The following NSUN6 variants were observed in gnomAD, a reference collection of about 807,000 sequenced individuals.
The protein encoded by NSUN6 is tRNA (cytosine(72)-C(5))-methyltransferase NSUN6.
Under a neutral mutation model 58.0 loss-of-function variants are expected in NSUN6, and 64 were observed. The ratio of observed to expected loss-of-function variants is 1.10; its 90% CI spans 0.90 to 1.36. NSUN6 has a LOEUF of 1.36. Among genes scored for constraint, NSUN6 ranks in the 40% most tolerant of loss-of-function variants. The pLI is 0.00. For synonymous variants in NSUN6, 231 were observed against 193.9 expected (o/e 1.19, Z -1.59); for missense variants, 701 against 550.1 (o/e 1.27, Z -2.74).
chr10:18,563,606 T>C (rs1332778926), intron 8 of NSUN6, among the ~76,000 whole-genome samples: 1 of 150,896 alleles, frequency 6.6e-6, no homozygotes, highest in Non-Finnish European at 1.5e-5. Flanking sequence ...TTCCATTCCA[T>C]TGCTTTTTCT....
At chr10:18,636,107 A>C (rs1345693436) in intron 3 of NSUN6, among the ~76,000 whole-genome samples, 1 of 152,016 alleles carries the variant, frequency 6.6e-6, no homozygotes, top group African/African-American at 2.4e-5. Flanking sequence ...AACCAGACTC[A>C]GCTAACTTGT....
intron 3 of NSUN6, among the ~76,000 whole-genome samples, chr10:18,625,301 G>A (rs1478011349): frequency 2.0e-5 from 3 of 152,112 alleles, no homozygotes; most frequent in Non-Finnish European, 2.9e-5. Flanking sequence ...CAGAAACACA[G>A]CACACAAAGT....
Position 18,551,897 on chromosome 10 carries a change from G to C in NSUN6, c.997C>G (p.Pro333Ala). 6.2e-7 allele frequency: 1 copy of C among 1,612,586 alleles called. No individual in the cohort carries two copies. The highest frequency in any genetic ancestry group is 8.5e-7 in the Non-Finnish European group (1 of 1,178,790). Residue 333 changes from proline (P) to alanine (A), a missense_variant, in exon 9 of 11, where the codon CCA (proline) becomes GCA (alanine). Pro to Ala is a conservative substitution (Grantham distance 27, BLOSUM62 -1). Transcript: ENST00000377304. ...ACAGACCAAGTACAGGCCATGTTTG[G>C]TCTCTGTCCCATTCCACTACAGGGT... ...DAPCSGMGQR[P>A]NMACTWSVKE...
At chr10:18,643,928 T>A (rs556426506) in intron 2 of NSUN6, among the ~76,000 whole-genome samples, 4 of 152,128 alleles carry the variant, frequency 2.6e-5, no homozygotes, top group Non-Finnish European at 4.4e-5. Flanking sequence ...CACATGTACA[T>A]ACCCTTCATA....
At chr10:18,596,505 A>AC (rs1324192251) in intron 6 of NSUN6, among the ~76,000 whole-genome samples, 178 bp from the exon 7 acceptor site, 3 of 152,208 alleles carry the variant, frequency 2.0e-5, no homozygotes, top group Non-Finnish European at 2.9e-5. Context: ...AGAATATCCT[A>AC]CGATCTCCCA....
At chr10:18,615,864 A>G (rs1471097718) in intron 4 of NSUN6, among the ~76,000 whole-genome samples, 1 of 152,160 alleles carries the variant, frequency 6.6e-6, no homozygotes, top group Non-Finnish European at 1.5e-5. Flanking sequence ...ATGACACAAC[A>G]GCTTTCTGAG....
At chr10:18,606,095 G>A (rs976157378) in intron 6 of NSUN6, among the ~76,000 whole-genome samples, 4 of 152,094 alleles carry the variant, frequency 2.6e-5, no homozygotes, top group African/African-American at 9.7e-5. Flanking sequence ...AAAATTATTG[G>A]TCATTATGTT....
rs1377838369 is a variant in NSUN6 at position 18,570,815 on chromosome 10, C to CA, written c.922+15133_922+15134insT. Among the ~76,000 whole-genome samples, 11 of 150,858 alleles carry CA rather than the reference C, an allele frequency of 7.3e-5. No homozygotes were observed. In the East Asian group the frequency reaches 2.2e-3, roughly 30 times the overall value. On this transcript the variant is annotated intron_variant, in intron 8 of 10. Transcript: ENST00000377304. ...TCTCCATACCATCCTCCATTCCACT[C>CA]TATTCACCACTGCATTCCATCCCAT...
chr10:18,619,953 C>CT (rs34243755), intron 3 of NSUN6, among the ~76,000 whole-genome samples: 62 of 151,018 alleles, frequency 4.1e-4, no homozygotes, highest in Non-Finnish European at 7.8e-4. Flanking sequence ...TAAAACATCC[C>CT]TTTTTTTTTA....
At chr10:18,658,986 G>A (rs1380239656), upstream of NSUN6, among the ~76,000 whole-genome samples, 1 of 152,224 alleles carries the variant, frequency 6.6e-6, no homozygotes, top group Non-Finnish European at 1.5e-5. Context: ...AGTCAGGAAA[G>A]AAACACTCTT....
chr10:18,563,935 TCTTCA>T (rs1462551355), intron 8 of NSUN6, among the ~76,000 whole-genome samples: 1 of 150,568 alleles, frequency 6.6e-6, no homozygotes, highest in African/African-American at 2.4e-5. Context: ...TCCACGTCAT[TCTTCA>T]CTCCATTCCA....
intron 2 of NSUN6, among the ~76,000 whole-genome samples, chr10:18,646,804 C>CT (rs2059559897): frequency 6.6e-6 from 1 of 152,154 alleles, no homozygotes; most frequent in African/African-American, 2.4e-5. Flanking sequence ...GCACTGCAGC[C>CT]TGGGCGACAG....
At chr10:18,581,188 C>T (rs979254167) in intron 8 of NSUN6, among the ~76,000 whole-genome samples, 2 of 152,088 alleles carry the variant, frequency 1.3e-5, no homozygotes, top group Admixed American at 6.5e-5. Flanking sequence ...AACCACCCAT[C>T]TTGAATGGGG....
At chr10:18,636,207 G>A (rs2059209240) in intron 3 of NSUN6, among the ~76,000 whole-genome samples, 3 of 152,022 alleles carry the variant, frequency 2.0e-5, no homozygotes, top group Non-Finnish European at 4.4e-5. Context: ...GGCAGGGGGT[G>A]CGGGAGATCT....
chr10:18,552,782 C>G (rs909688978), intron 8 of NSUN6, among the ~76,000 whole-genome samples: 1 of 151,614 alleles, frequency 6.6e-6, no homozygotes, highest in African/African-American at 2.4e-5. Flanking sequence ...ATTTGATTCT[C>G]CATTCCATTC....
intron 8 of NSUN6, among the ~76,000 whole-genome samples, chr10:18,553,786 T>C (rs922289985): frequency 2.0e-5 from 3 of 147,042 alleles, no homozygotes; most frequent in Non-Finnish European, 3.0e-5. Flanking sequence ...TGGAATGGAA[T>C]AGAGAATGGA....
chr10:18,651,376 T>C lies in NSUN6; in HGVS notation c.-173A>G. 1.5e-6 allele frequency: 2 copies of C among 1,320,222 alleles called. No individual in the cohort carries two copies. The highest frequency in any genetic ancestry group is 1.9e-6 in the Non-Finnish European group (2 of 1,039,526). The allele number at this position is 1,320,222 out of a possible 1,614,324, so 81.8% of individuals were successfully genotyped here. A position where few individuals can be genotyped will look rare whatever the true frequency, so the allele number is the denominator to read the frequency against. On this transcript the variant is annotated 5_prime_UTR_variant, in exon 1 of 11. Transcript: ENST00000377304. ...GCAGAGGTACACGCTTTCTCAAGCC[T>C]AGCCGATTAGAAGGGGCTGCCGGGC... is the stretch of plus-strand genomic sequence containing the variant.
chr10:18,615,138 T>C lies in NSUN6; in HGVS notation c.422-525A>G, dbSNP rs201749561. Among the ~76,000 whole-genome samples the C allele has an allele frequency of 1.2e-4, 18 of 148,244 alleles. No individual in the cohort carries two copies. In the East Asian group the frequency reaches 2.4e-3, roughly 20 times the overall value. On this transcript the variant is annotated intron_variant, in intron 4 of 10. Transcript: ENST00000377304. ...ATATATATATATATATACACACACA[T>C]ATAGGCACACATATATACGTGTGTG...
intron 3 of NSUN6, among the ~76,000 whole-genome samples, chr10:18,627,690 C>A (rs2058866089): frequency 6.6e-6 from 1 of 152,234 alleles, no homozygotes. Context: ...ACCCCAATAC[C>A]GCGCTTTTCC....
Sources: gnomAD v4.1 joint callset for allele counts (sites outside exome capture counted in the v4.1 genomes callset) on GRCh38, gnomAD v4.1.1 for gene constraint, MANE v1.5 for transcripts, NCBI Gene and HGNC (gene_info 2026-07-23, HGNC 2026-07-21) for gene names.